Variants in GCH1 observed in about 807,000 individuals in gnomAD.
The protein encoded by GCH1 is GTP cyclohydrolase I.
GCH1 carries 5 observed loss-of-function variants against 25.9 expected under a neutral mutation model. That is an observed-to-expected ratio of 0.19 (90% confidence interval 0.10 to 0.41). GCH1 has a LOEUF of 0.41. Among genes scored for constraint, GCH1 ranks in the 10% least tolerant of loss-of-function variants. GCH1 has a pLI of 1.00. For missense variants in GCH1, 261 were observed against 336.5 expected (o/e 0.78, Z 1.75); for synonymous variants, 159 against 129.6 (o/e 1.23, Z -1.54).
intron 1 of GCH1, among the ~76,000 whole-genome samples, chr14:54,876,186 T>C (rs976319459): frequency 6.6e-6 from 1 of 152,206 alleles, no homozygotes; most frequent in Non-Finnish European, 1.5e-5. Context: ...GATGAGTTCA[T>C]GTCCTTTGTA....
At position 54,844,138 on chromosome 14, in the gene GCH1, A is replaced by G. The variant is rs1566658823; in HGVS notation, c.632T>C (p.Met211Thr). Residue 211 changes from methionine to threonine, a missense_variant, in exon 6 of 6, where the codon ATG (methionine) becomes ACG (threonine). This residue lies in a region of GCH1 where 130 missense variants were observed against 184.1 expected (regional missense o/e 0.71). Transcript: ENST00000491895. ...GVGVVVEATH[M>T]CMVMRGVQKM... Reference sequence around the variant, plus strand: ...CTGTACACCTCGCATTACCATACACATGTGTCTACAAAATAAGGCAACACA... The same window carrying G: ...CTGTACACCTCGCATTACCATACACGTGTGTCTACAAAATAAGGCAACACA... 6.2e-7 allele frequency: 1 copy of G among 1,609,886 alleles called. No homozygotes were observed. Among genetic ancestry groups the G allele is most frequent in the South Asian group, 1.1e-5 (1 of 90,996 alleles).
intron 3 of GCH1, chr14:54,859,442 G>C: frequency 1.9e-6 from 1 of 526,932 alleles, no homozygotes; most frequent in Non-Finnish European, 3.4e-6. Context: ...GGTGGGCTGA[G>C]ACTTCCAGGA....
At chr14:54,891,883 A>AGTGTTT (rs556945878) in intron 1 of GCH1, among the ~76,000 whole-genome samples, 119 of 152,294 alleles carry the variant, frequency 7.8e-4, no homozygotes, top group African/African-American at 2.6e-3. Context: ...TCAGTTTTGC[A>AGTGTTT]GTGTTTGTTT....
At chr14:54,854,028 G>A (rs1323089276) in intron 3 of GCH1, among the ~76,000 whole-genome samples, 1 of 152,106 alleles carries the variant, frequency 6.6e-6, no homozygotes, top group Non-Finnish European at 1.5e-5. Flanking sequence ...TATTCATCAA[G>A]ATGTAAAGAT....
intron 1 of GCH1, among the ~76,000 whole-genome samples, chr14:54,875,271 T>C (rs1276570922): frequency 6.6e-6 from 1 of 152,220 alleles, no homozygotes; most frequent in Non-Finnish European, 1.5e-5. Flanking sequence ...GCCAGCCATA[T>C]GTAGAAAGCT....
intron 3 of GCH1, among the ~76,000 whole-genome samples, chr14:54,850,845 A>G (rs901163487): frequency 2.2e-4 from 34 of 152,224 alleles, no homozygotes; most frequent in Non-Finnish European, 4.3e-4. Context: ...TCCATGGTGT[A>G]TAAGTGCCAC....
intron 3 of GCH1, among the ~76,000 whole-genome samples, chr14:54,850,181 C>T (rs2039705132): frequency 6.6e-6 from 1 of 152,098 alleles, no homozygotes; most frequent in Non-Finnish European, 1.5e-5. Flanking sequence ...ACCATGTTGG[C>T]CAGGCCGGTC....
intron 3 of GCH1, among the ~76,000 whole-genome samples, chr14:54,850,151 T>G (rs1416628318): frequency 6.6e-6 from 1 of 151,992 alleles, no homozygotes. Flanking sequence ...TTTTTGTATT[T>G]TTAGTAGAGA....
chr14:54,866,745 C>T (rs1357882078), intron 1 of GCH1, among the ~76,000 whole-genome samples: 1 of 152,092 alleles, frequency 6.6e-6, no homozygotes, highest in Admixed American at 6.5e-5. Flanking sequence ...CAAGTCATCA[C>T]GTAAACCACA....
At chr14:54,856,521 C>T (rs893959636) in intron 3 of GCH1, among the ~76,000 whole-genome samples, 2 of 152,112 alleles carry the variant, frequency 1.3e-5, no homozygotes, top group African/African-American at 4.8e-5. Flanking sequence ...GGTGAAATCT[C>T]GGCTCACTGC....
intron 1 of GCH1, among the ~76,000 whole-genome samples, chr14:54,874,721 T>C (rs2040132853): frequency 6.6e-6 from 1 of 152,188 alleles, no homozygotes; most frequent in South Asian, 2.1e-4. Flanking sequence ...AGCCAAATCA[T>C]GAGTGAACTC....
At chr14:54,897,367 C>G (rs2040503377) in intron 1 of GCH1, among the ~76,000 whole-genome samples, 1 of 151,164 alleles carries the variant, frequency 6.6e-6, no homozygotes. Flanking sequence ...TGGCTCACTG[C>G]AATTTCCGCC....
At chr14:54,897,308 G>A (rs2040502212) in intron 1 of GCH1, among the ~76,000 whole-genome samples, 1 of 143,332 alleles carries the variant, frequency 7.0e-6, no homozygotes, top group South Asian at 2.2e-4. Context: ...TTTTTTCTGA[G>A]ACTGAGTTTC....
intron 1 of GCH1, among the ~76,000 whole-genome samples, chr14:54,874,374 A>G (rs2040127037): frequency 6.6e-6 from 1 of 152,230 alleles, no homozygotes; most frequent in Admixed American, 6.5e-5. Context: ...TGACAAACCC[A>G]CAGCCAATGT....
At chr14:54,869,510 T>C (rs2040038532) in intron 1 of GCH1, among the ~76,000 whole-genome samples, 1 of 152,138 alleles carries the variant, frequency 6.6e-6, no homozygotes, top group Non-Finnish European at 1.5e-5. Flanking sequence ...AACGAAGTTT[T>C]GCCCTTGTTG....
rs142520205 is a variant in GCH1 at position 54,892,972 on chromosome 14, G to A, written c.343+9349C>T. ...TGGGCACCTGTAATCCCAGCTACTC[G>A]GGAGGCCGAGGCAGGGTAATTGCTT... On this transcript the variant is annotated intron_variant, in intron 1 of 5. Coordinates refer to ENST00000491895, the MANE Select transcript of GCH1 (RefSeq NM_000161.3). Among the ~76,000 whole-genome samples the A allele has an allele frequency of 1.0e-2, 1,513 of 151,312 alleles. 29 individuals carry two copies. Among genetic ancestry groups the A allele is most frequent in the African/African-American group, 0.033 (1,354 of 41,222 alleles).
chr14:54,876,975 A>G (rs2040171409), intron 1 of GCH1, among the ~76,000 whole-genome samples: 1 of 152,238 alleles, frequency 6.6e-6, no homozygotes. Context: ...AGAGAAAAAA[A>G]ATCTAGTGAT....
At chr14:54,886,909 G>C (rs2040361005) in intron 1 of GCH1, among the ~76,000 whole-genome samples, 1 of 152,212 alleles carries the variant, frequency 6.6e-6, no homozygotes, top group South Asian at 2.1e-4. Flanking sequence ...GACAGCAAAA[G>C]ACAGCAAATC....
At chr14:54,869,398 G>C (rs1353501425) in intron 1 of GCH1, among the ~76,000 whole-genome samples, 3 of 152,108 alleles carry the variant, frequency 2.0e-5, no homozygotes, top group African/African-American at 7.2e-5. Flanking sequence ...TTAAACATCA[G>C]GAGAAACTGG....
Sources: gnomAD v4.1 joint callset for allele counts (sites outside exome capture counted in the v4.1 genomes callset) on GRCh38, gnomAD v4.1.1 for gene constraint, gnomAD v4.1.1 regional missense constraint, MANE v1.5 for transcripts, NCBI Gene and HGNC (gene_info 2026-07-23, HGNC 2026-07-21) for gene names.